MMD: variants seen among roughly 807,000 people sequenced by gnomAD.
The protein encoded by MMD is monocyte to macrophage differentiation factor.
A neutral mutation model predicts 33.6 loss-of-function variants in MMD; 22 were observed. The ratio of observed to expected loss-of-function variants is 0.66; its 90% CI spans 0.47 to 0.94. The LOEUF (loss-of-function observed/expected upper bound fraction) is 0.94. Ranked by LOEUF, MMD falls within the 40% of genes least tolerant of loss-of-function variation. The pLI is 0.00. For synonymous variants in MMD, 97 were observed against 103.2 expected, an observed-to-expected ratio of 0.94 and a Z score of 0.36; for missense variants, 242 against 309.8, an observed-to-expected ratio of 0.78 and a Z score of 1.64.
chr17:55,404,092 C>A (rs192597596), intron 4 of MMD, among the ~76,000 whole-genome samples: 1 of 152,172 alleles, frequency 6.6e-6, no homozygotes, highest in African/African-American at 2.4e-5. Flanking sequence ...TGGTGGCTCA[C>A]ATCTGTAATC....
chr17:55,406,568 AAAACAAACAAAC>A (rs552314055), intron 4 of MMD, among the ~76,000 whole-genome samples: 2 of 151,814 alleles, frequency 1.3e-5, no homozygotes, highest in South Asian at 4.2e-4. Context: ...ACTCTGTCTC[AAAACAAACAAAC>A]AAACAAACAA....
intron 1 of MMD, among the ~76,000 whole-genome samples, chr17:55,415,919 C>A (rs956400080): frequency 6.6e-6 from 1 of 152,070 alleles, no homozygotes; most frequent in Non-Finnish European, 1.5e-5. Context: ...ATCTTTTCTC[C>A]CCTGATAATA....
At chr17:55,412,013 G>C (rs1180343130) in intron 2 of MMD, among the ~76,000 whole-genome samples, 1 of 152,138 alleles carries the variant, frequency 6.6e-6, no homozygotes, top group East Asian at 1.9e-4. Context: ...AAAGGTTGAG[G>C]CTACAGTGAG....
rs1567846954 is a variant in MMD, at chr17:55,401,992, CCGAA to C, written c.447-458_447-455del. 4.0e-3 allele frequency among the ~76,000 whole-genome samples: 146 copies of C among 36,410 alleles called. No homozygotes were observed. In the African/African-American group the frequency reaches 0.045, roughly 11 times the overall value. The allele number at this position is 36,410 out of a possible 152,430, so 23.9% of individuals were successfully genotyped here. A position where few individuals can be genotyped will look rare whatever the true frequency, so the allele number is the denominator to read the frequency against. On this transcript the variant is annotated intron_variant, in intron 5 of 6. Transcript: ENST00000262065. ...GATGAGGCAGGAGAATGGCGTGAAC[CCGAA>C]TGGCGTGAACCCGGGAGGCGGGGCT...
intron 1 of MMD, among the ~76,000 whole-genome samples, chr17:55,417,370 G>A (rs774215403): frequency 5.3e-5 from 8 of 151,884 alleles, no homozygotes; most frequent in Admixed American, 2.0e-4. Flanking sequence ...TCCCAGCTCC[G>A]CGTCTCCTAC....
intron 1 of MMD, 59 bp downstream of exon 1, chr17:55,421,611 C>T (rs1598437896): frequency 3.2e-6 from 5 of 1,585,356 alleles, no homozygotes; most frequent in Non-Finnish European, 4.3e-6. Context: ...CGCTTAACGG[C>T]GGGATTTGGG....
intron 6 of MMD, among the ~76,000 whole-genome samples, chr17:55,400,376 C>T (rs1330068034): frequency 1.3e-5 from 2 of 151,992 alleles, no homozygotes; most frequent in South Asian, 2.1e-4. Context: ...GGTGAAACCC[C>T]ATCTCTACTA....
At chr17:55,402,694 G>A (rs1907395882) in intron 5 of MMD, among the ~76,000 whole-genome samples, 1 of 152,194 alleles carries the variant, frequency 6.6e-6, no homozygotes, top group Non-Finnish European at 1.5e-5. Flanking sequence ...AAGGAGAAAA[G>A]ATAGTTGCCT....
At chr17:55,409,283 T>C (rs958082808) in intron 3 of MMD, among the ~76,000 whole-genome samples, 3 of 152,198 alleles carry the variant, frequency 2.0e-5, no homozygotes, top group African/African-American at 4.8e-5. Flanking sequence ...GATTCTGAAG[T>C]GCTAGGAGGT....
chr17:55,407,924 A>G, intron 3 of MMD, 104 bp from the exon 4 acceptor site: 4 of 759,884 alleles, frequency 5.3e-6, no homozygotes, highest in Non-Finnish European at 6.1e-6. Flanking sequence ...TCTAGTTCTC[A>G]TGGCCTTTAC....
At chr17:55,408,579 A>C (rs1907645243) in intron 3 of MMD, among the ~76,000 whole-genome samples, 3 of 152,330 alleles carry the variant, frequency 2.0e-5, no homozygotes, top group South Asian at 4.1e-4. Context: ...TATCATCTTG[A>C]ATCTATTTTC....
chr17:55,407,717 C>A (rs1907610644), intron 4 of MMD, 29 bp downstream of exon 4: 1 of 1,575,870 alleles, frequency 6.3e-7, no homozygotes, highest in Non-Finnish European at 8.6e-7. Context: ...AAAATCACTA[C>A]CTTCGAAAAT....
intron 1 of MMD, among the ~76,000 whole-genome samples, chr17:55,418,430 A>G (rs1385574780): frequency 2.0e-5 from 3 of 152,238 alleles, no homozygotes; most frequent in Admixed American, 6.5e-5. Flanking sequence ...CCCATAGTCA[A>G]TTAGTTTTAC....
Position 55,394,346 on chromosome 17 carries a change from C to G in MMD, c.705G>C (p.Met235Ile). 1 of 1,376,662 alleles carries G rather than the reference C, an allele frequency of 7.3e-7. No individual in the cohort carries two copies. The allele number at this position is 1,376,662 out of a possible 1,614,324, so 85.3% of individuals were successfully genotyped here. ...KYLYRSPTDF[M>I]RHL ...TAGTACAGATTGGTCATAAATGCCG[C>G]ATAAAGTCCGTAGGACTTCGGTAAA... Residue 235 changes from methionine to isoleucine, a missense_variant, in exon 7 of 7, where the codon ATG (methionine) becomes ATC (isoleucine). Transcript: ENST00000262065.
chr17:55,393,072 C>A lies in MMD; in HGVS notation c.*1262G>T, dbSNP rs1906975652. The A allele has an allele frequency of 6.6e-6, 1 of 151,932 alleles. No homozygotes were observed. Among genetic ancestry groups the A allele is most frequent in the Non-Finnish European group, 1.5e-5 (1 of 67,990 alleles). 9.4% of individuals were successfully genotyped at this position (151,932 alleles called of 1,614,324 possible). A position where few individuals can be genotyped will look rare whatever the true frequency, so the allele number is the denominator to read the frequency against. On this transcript the variant is annotated 3_prime_UTR_variant, in exon 7 of 7. Transcript: ENST00000262065. Reference sequence around the variant, plus strand: ...CAAGCCTATTTCATTTATTAAAACACCAACAAGAGAGATTAATCAACAAAG... The same window carrying A: ...CAAGCCTATTTCATTTATTAAAACAACAACAAGAGAGATTAATCAACAAAG...
chr17:55,405,017 G>A (rs1185700257), intron 4 of MMD, among the ~76,000 whole-genome samples: 1 of 151,504 alleles, frequency 6.6e-6, no homozygotes, highest in Non-Finnish European at 1.5e-5. Context: ...AGCTGAGATC[G>A]CACCACTGCA....
intron 1 of MMD, among the ~76,000 whole-genome samples, chr17:55,419,783 G>A (rs1006694090): frequency 1.3e-5 from 2 of 152,116 alleles, no homozygotes; most frequent in African/African-American, 4.8e-5. Flanking sequence ...AAGAAAATCA[G>A]GGTAGATCTA....
chr17:55,409,412 A>G (rs1200562705), intron 3 of MMD, among the ~76,000 whole-genome samples: 4 of 152,208 alleles, frequency 2.6e-5, no homozygotes, highest in Non-Finnish European at 5.9e-5. Flanking sequence ...CTGTTAGAGT[A>G]GGTAGACAAC....
chr17:55,418,784 C>T (rs149049459), intron 1 of MMD, among the ~76,000 whole-genome samples: 37 of 152,340 alleles, frequency 2.4e-4, no homozygotes, highest in African/African-American at 8.9e-4. Context: ...CCCTGTAAGA[C>T]TTCTAATACT....
Sources: gnomAD v4.1 joint callset for allele counts (sites outside exome capture counted in the v4.1 genomes callset) on GRCh38, gnomAD v4.1.1 for gene constraint, MANE v1.5 for transcripts, NCBI Gene and HGNC (gene_info 2026-07-23, HGNC 2026-07-21) for gene names.